Variants in KCNQ1OT1 observed in about 807,000 individuals in gnomAD.
The protein encoded by KCNQ1OT1 is KCNQ1 antisense RNA 2 (non-protein coding).
Position 2,684,582 on chromosome 11 carries a change from G to A in KCNQ1OT1, n.15413C>T, listed in dbSNP as rs1482504068. The A allele has an allele frequency of 8.8e-5, 35 of 398,526 alleles. No homozygotes were observed. In the East Asian group the frequency reaches 1.2e-3, roughly 14 times the overall value. The allele number at this position is 398,526 out of a possible 1,614,324, so 24.7% of individuals were successfully genotyped here. ...TCCCATAAATGACTTTCTGGCAGAG[G>A]AGAGTGACTGTCCTTTGTCTGTGGC... On this transcript the variant is annotated non_coding_transcript_exon_variant, in exon 1 of 1. Transcript: ENST00000597346.
exon 1 of KCNQ1OT1, chr11:2,631,951 GGAGGGCAGATCA>G (rs1849360619): frequency 7.6e-6 from 3 of 397,066 alleles, no homozygotes. Flanking sequence ...GGGAGGCTGA[GGAGGGCAGATCA>G]CAAGGTCAGG....
At chr11:2,688,025 T>C in exon 1 of KCNQ1OT1, 1 of 398,670 alleles carries the variant, frequency 2.5e-6, no homozygotes. Context: ...CCTCTAGGCT[T>C]GGGCAGGCAC....
chr11:2,616,279 C>T (rs1849063014), exon 1 of KCNQ1OT1: 2 of 395,712 alleles, frequency 5.1e-6, no homozygotes, highest in East Asian at 7.2e-5. Flanking sequence ...TGCAACTTCT[C>T]TAATTTTTTA....
chr11:2,640,771 ATTAT>A (rs1400320854), exon 1 of KCNQ1OT1: 1 of 398,548 alleles, frequency 2.5e-6, no homozygotes, highest in East Asian at 3.6e-5. Flanking sequence ...AACATTATAA[ATTAT>A]TTATTCTAAC....
Position 2,678,843 on chromosome 11 carries a change from T to A in KCNQ1OT1, n.21152A>T, listed in dbSNP as rs1260696661. 1 of 398,442 alleles carries A rather than the reference T, an allele frequency of 2.5e-6. No individual in the cohort carries two copies. The highest frequency in any genetic ancestry group is 3.6e-5 in the East Asian group (1 of 28,084). 24.7% of individuals were successfully genotyped at this position (398,442 alleles called of 1,614,324 possible). A position where few individuals can be genotyped will look rare whatever the true frequency, so the allele number is the denominator to read the frequency against. On this transcript the variant is annotated non_coding_transcript_exon_variant, in exon 1 of 1. Transcript: ENST00000597346. This position sits in a 1 kb window ranked among gnomAD's most constrained non-coding sequence, Gnocchi z 4.9. ...AAGGCTCACTTCAAGGAAGGCAGAA[T>A]CCAGGTCGGGGGTGCACAGGAGTTG...
At position 2,695,676 on chromosome 11, in the gene KCNQ1OT1, T is replaced by C. The variant is rs1564861133; in HGVS notation, n.4319A>G. ...AATATTTTATTTGAGGAAGAAGTGT[T>C]GGCCAGCTCTTCAGAACGTCTGTGC... is the stretch of plus-strand genomic sequence containing the variant. On this transcript the variant is annotated non_coding_transcript_exon_variant, in exon 1 of 1. Transcript: ENST00000597346. The surrounding 1 kb of genome is among the most constrained non-coding windows in gnomAD (Gnocchi z 5.2). The C allele has an allele frequency of 5.0e-6, 2 of 398,532 alleles. No homozygotes were observed. Among genetic ancestry groups the C allele is most frequent in the Non-Finnish European group, 8.8e-6 (2 of 226,088 alleles). 24.7% of individuals were successfully genotyped at this position (398,532 alleles called of 1,614,324 possible).
chr11:2,649,385 T>C, exon 1 of KCNQ1OT1: 1 of 398,584 alleles, frequency 2.5e-6, no homozygotes, highest in Non-Finnish European at 4.4e-6. Context: ...TAGTGTTTTA[T>C]GCTTTTGTAG....
chr11:2,682,055 C>T lies in KCNQ1OT1; in HGVS notation n.17940G>A, dbSNP rs1426852068. 11 of 398,454 alleles carry T rather than the reference C, an allele frequency of 2.8e-5. No homozygotes were observed. In the East Asian group the frequency reaches 3.2e-4, roughly 12 times the overall value. 24.7% of individuals were successfully genotyped at this position (398,454 alleles called of 1,614,324 possible). A position where few individuals can be genotyped will look rare whatever the true frequency, so the allele number is the denominator to read the frequency against. On this transcript the variant is annotated non_coding_transcript_exon_variant, in exon 1 of 1. Transcript: ENST00000597346. The surrounding 1 kb of genome is among the most constrained non-coding windows in gnomAD (Gnocchi z 5.8). ...ATCACTCCTGTTTTATAGATAATCT[C>T]CTAAGGGTTGAGGGATTGAGTCTAG...
At chr11:2,609,809 T>G (rs1010382079) in exon 1 of KCNQ1OT1, 2 of 398,244 alleles carry the variant, frequency 5.0e-6, no homozygotes, top group South Asian at 2.5e-4. Flanking sequence ...TAATTTAAAA[T>G]CTCCTTTGAC....
Position 2,670,917 on chromosome 11 carries a change from C to T in KCNQ1OT1, n.29078G>A. On this transcript the variant is annotated non_coding_transcript_exon_variant, in exon 1 of 1. Coordinates refer to ENST00000597346, the Ensembl canonical transcript of KCNQ1OT1. The surrounding 1 kb of genome is among the most constrained non-coding windows in gnomAD (Gnocchi z 4.9). Reference sequence around the variant, plus strand: ...CCTGGACAAGGCTGACCTGCCCTCCCAGGATGCAAATTGGCAGGCCCAGCT... The same window carrying T: ...CCTGGACAAGGCTGACCTGCCCTCCTAGGATGCAAATTGGCAGGCCCAGCT... The T allele has an allele frequency of 2.5e-6, 1 of 398,682 alleles. No individual in the cohort carries two copies. Among genetic ancestry groups the T allele is most frequent in the Non-Finnish European group, 4.4e-6 (1 of 226,088 alleles). The allele number at this position is 398,682 out of a possible 1,614,324, so 24.7% of individuals were successfully genotyped here.
rs955854550 is a variant in KCNQ1OT1 at position 2,627,808 on chromosome 11, T to G, written n.72187A>C. The G allele has an allele frequency of 5.0e-6, 2 of 398,320 alleles. No homozygotes were observed. The highest frequency in any genetic ancestry group is 2.1e-5 in the African/African-American group (1 of 48,624). 24.7% of individuals were successfully genotyped at this position (398,320 alleles called of 1,614,324 possible). On this transcript the variant is annotated non_coding_transcript_exon_variant, in exon 1 of 1. Coordinates refer to ENST00000597346, the Ensembl canonical transcript of KCNQ1OT1. The surrounding 1 kb of genome is among the most constrained non-coding windows in gnomAD (Gnocchi z 4.9). ...ATCTGTCATCCAGGCAGGAGTACAG[T>G]GGCACAATCACAGTTCACTGTAGCC... is the stretch of plus-strand genomic sequence containing the variant.
exon 1 of KCNQ1OT1, chr11:2,638,676 T>C (rs1197077911): frequency 1.3e-5 from 2 of 152,144 alleles, no homozygotes; most frequent in African/African-American, 4.8e-5. Flanking sequence ...TCTTGAGGAG[T>C]ATCTTTGTGG....
At position 2,647,226 on chromosome 11, in the gene KCNQ1OT1, G is replaced by A. The variant is rs76371154; in HGVS notation, n.52769C>T. On this transcript the variant is annotated non_coding_transcript_exon_variant, in exon 1 of 1. Coordinates refer to ENST00000597346, the Ensembl canonical transcript of KCNQ1OT1. This position sits in a 1 kb window ranked among gnomAD's most constrained non-coding sequence, Gnocchi z 4.0. ...CAGATGCTTTTTCTGCATCTATTGA[G>A]ATGATCATGTATTTTTTTGTCCTTC... 0.012 allele frequency: 4,763 copies of A among 398,408 alleles called. 58 individuals carry two copies. Among genetic ancestry groups the A allele is most frequent in the Non-Finnish European group, 0.016 (3,631 of 226,010 alleles). 24.7% of individuals were successfully genotyped at this position (398,408 alleles called of 1,614,324 possible). A position where few individuals can be genotyped will look rare whatever the true frequency, so the allele number is the denominator to read the frequency against.
At chr11:2,646,964 T>A (rs1849675997) in exon 1 of KCNQ1OT1, 1 of 398,528 alleles carries the variant, frequency 2.5e-6, no homozygotes, top group African/African-American at 2.1e-5. Flanking sequence ...CTTTTCCAAT[T>A]TGGATACCCT....
chr11:2,626,140 C>T lies in KCNQ1OT1; in HGVS notation n.73855G>A. The T allele has an allele frequency of 2.5e-6, 1 of 398,230 alleles. No homozygotes were observed. The highest frequency in any genetic ancestry group is 4.4e-6 in the Non-Finnish European group (1 of 226,054). 24.7% of individuals were successfully genotyped at this position (398,230 alleles called of 1,614,324 possible). A position where few individuals can be genotyped will look rare whatever the true frequency, so the allele number is the denominator to read the frequency against. ...TTGGTGTCGCATACAAGAAGCACTG[C>T]CAATGATGTAAAGTTTTTCCCCTAT... On this transcript the variant is annotated non_coding_transcript_exon_variant, in exon 1 of 1. Transcript: ENST00000597346. This position sits in a 1 kb window ranked among gnomAD's most constrained non-coding sequence, Gnocchi z 4.0.
In KCNQ1OT1 at chr11:2,645,304, G is replaced by C. The variant is rs1590001960; in HGVS notation, n.54691C>G. Reference sequence around the variant, plus strand: ...TCCTCAAGCCCCCAGGAGTGCTCAGGTGCCAACAATACTGGATAGGGCAGG... The same window carrying C: ...TCCTCAAGCCCCCAGGAGTGCTCAGCTGCCAACAATACTGGATAGGGCAGG... On this transcript the variant is annotated non_coding_transcript_exon_variant, in exon 1 of 1. Transcript: ENST00000597346. This position sits in a 1 kb window ranked among gnomAD's most constrained non-coding sequence, Gnocchi z 5.8. 2.5e-6 allele frequency: 1 copy of C among 398,698 alleles called. No homozygotes were observed. Among genetic ancestry groups the C allele is most frequent in the African/African-American group, 2.1e-5 (1 of 48,744 alleles). 24.7% of individuals were successfully genotyped at this position (398,698 alleles called of 1,614,324 possible). A position where few individuals can be genotyped will look rare whatever the true frequency, so the allele number is the denominator to read the frequency against.
exon 1 of KCNQ1OT1, chr11:2,622,442 A>G: frequency 2.5e-6 from 1 of 398,378 alleles, no homozygotes; most frequent in Non-Finnish European, 4.4e-6. Flanking sequence ...GTGTCTTTAG[A>G]CCAAAAGTGA....
exon 1 of KCNQ1OT1, chr11:2,692,584 C>A (rs1212988293): frequency 1.3e-5 from 5 of 398,656 alleles, no homozygotes; most frequent in Non-Finnish European, 1.8e-5. Flanking sequence ...TTTTTCAGAC[C>A]CCAGGCTAGT....
At position 2,698,293 on chromosome 11, in the gene KCNQ1OT1, A is replaced by G. The variant is rs1590039245; in HGVS notation, n.1702T>C. Reference sequence around the variant, plus strand: ...AGACAGAACTATTCTACCTGGATGAATTATTCTCTTTCATAACCAGAACAG... The same window carrying G: ...AGACAGAACTATTCTACCTGGATGAGTTATTCTCTTTCATAACCAGAACAG... On this transcript the variant is annotated non_coding_transcript_exon_variant, in exon 1 of 1. Coordinates refer to ENST00000597346, the Ensembl canonical transcript of KCNQ1OT1. This position sits in a 1 kb window ranked among gnomAD's most constrained non-coding sequence, Gnocchi z 5.1. The G allele has an allele frequency of 1.0e-5, 4 of 398,626 alleles. No individual in the cohort carries two copies. Among genetic ancestry groups the G allele is most frequent in the South Asian group, 1.3e-4 (1 of 7,856 alleles). 24.7% of individuals were successfully genotyped at this position (398,626 alleles called of 1,614,324 possible).
Sources: gnomAD v4.1 joint callset for allele counts on GRCh38, gnomAD v4.1.1 for gene constraint, Gnocchi (gnomAD v3.1) non-coding constraint, MANE v1.5 for transcripts, NCBI Gene and HGNC (gene_info 2026-07-23, HGNC 2026-07-21) for gene names.